The following C4BPA variants were observed in gnomAD, a reference collection of about 807,000 sequenced individuals.
C4BPA encodes C4b-binding protein alpha chain.
Under a neutral mutation model 63.7 loss-of-function variants are expected in C4BPA, and 31 were observed. That is an observed-to-expected ratio of 0.49 (90% confidence interval 0.37 to 0.66). The LOEUF (loss-of-function observed/expected upper bound fraction) is 0.66, where lower values mean the gene tolerates loss of function less well. Ranked by LOEUF, C4BPA falls within the 30% of genes least tolerant of loss-of-function variation. C4BPA has a pLI of 0.00. For synonymous variants in C4BPA, 259 were observed against 254.7 expected, an observed-to-expected ratio of 1.02 and a Z score of -0.16; for missense variants, 572 against 723.3, an observed-to-expected ratio of 0.79 and a Z score of 2.40.
intron 10 of C4BPA, among the ~76,000 whole-genome samples, chr1:207,142,660 T>TA (rs1685444577): frequency 6.6e-6 from 1 of 152,222 alleles, no homozygotes; most frequent in African/African-American, 2.4e-5. Context: ...TGCATTTCTC[T>TA]AATGACCAGT....
chr1:207,118,236 T>TATCTATCTATC (rs1553256059), intron 4 of C4BPA, among the ~76,000 whole-genome samples: 107 of 150,176 alleles, frequency 7.1e-4, no homozygotes, highest in African/African-American at 2.5e-3. Flanking sequence ...TCTATCTATC[T>TATCTATCTATC]ATCTATCTAT....
At chr1:207,136,025 G>C (rs1403678495) in intron 9 of C4BPA, among the ~76,000 whole-genome samples, 1 of 152,230 alleles carries the variant, frequency 6.6e-6, no homozygotes, top group Non-Finnish European at 1.5e-5. Context: ...TGCAATATTT[G>C]TCTAGTTCTA....
chr1:207,139,008 G>A (rs1685353038), intron 9 of C4BPA, among the ~76,000 whole-genome samples: 1 of 152,152 alleles, frequency 6.6e-6, no homozygotes, highest in Non-Finnish European at 1.5e-5. Context: ...TTGGATCAAT[G>A]TCATGTTCTG....
At chr1:207,130,250 T>C (rs985810059) in intron 7 of C4BPA, among the ~76,000 whole-genome samples, 1 of 152,176 alleles carries the variant, frequency 6.6e-6, no homozygotes, top group African/African-American at 2.4e-5. Flanking sequence ...AACAATCAGA[T>C]ACCACTTCAC....
chr1:207,125,891 A>G (rs1685029604), intron 6 of C4BPA, among the ~76,000 whole-genome samples: 1 of 152,152 alleles, frequency 6.6e-6, no homozygotes, highest in Non-Finnish European at 1.5e-5. Context: ...TAGAGGAATT[A>G]AAGTAGCAGA....
Position 207,144,652 on chromosome 1 carries a change from G to C in C4BPA, c.1729G>C (p.Glu577Gln). 6.2e-7 allele frequency: 1 copy of C among 1,613,620 alleles called. No homozygotes were observed. The highest frequency in any genetic ancestry group is 1.1e-5 in the South Asian group (1 of 91,060). ...CCTGGAGGTATATAAGCTGTCTCTG[G>C]AAATTGAACAACTGGAACTACAGAG... Reference protein sequence around the residue: ...MALEVYKLSLEIEQLELQRDS... With the variant: ...MALEVYKLSLQIEQLELQRDS... Residue 577 changes from glutamate (E) to glutamine (Q), a missense_variant, in exon 12 of 12, where the codon GAA (glutamate) becomes CAA (glutamine). Physicochemically the swap from Glu to Gln is conservative, Grantham distance 29. Transcript: ENST00000367070.
At chr1:207,138,675 C>T (rs1418605511) in intron 9 of C4BPA, among the ~76,000 whole-genome samples, 1 of 152,168 alleles carries the variant, frequency 6.6e-6, no homozygotes, top group Non-Finnish European at 1.5e-5. Context: ...TAACATGGGC[C>T]CCGCTCAAAC....
intron 1 of C4BPA, among the ~76,000 whole-genome samples, chr1:207,112,376 T>C (rs2102330147): frequency 6.7e-6 from 1 of 148,616 alleles, no homozygotes; most frequent in Non-Finnish European, 1.5e-5. Flanking sequence ...TTTATGTTTG[T>C]ACCTTTCTTT....
At chr1:207,108,715 G>A (rs1353544659) in intron 1 of C4BPA, among the ~76,000 whole-genome samples, 1 of 152,040 alleles carries the variant, frequency 6.6e-6, no homozygotes, top group Non-Finnish European at 1.5e-5. Flanking sequence ...GTCTGTGGGT[G>A]ATTCATTTTA....
Position 207,114,132 on chromosome 1 carries a change from G to A in C4BPA, c.175G>A (p.Ala59Thr). 6.2e-7 allele frequency: 1 copy of A among 1,613,186 alleles called. No homozygotes were observed. The part of the protein sequence containing the change: ...NCGPPPTLSF[A>T]APMDITLTET... The stretch of plus-strand genomic sequence containing the variant: ...TGGTCCTCCACCCACTTTATCATTT[G>A]CTGCCCCGATGGATATTACGTTGAC... The change falls in exon 3 of 12, where the codon GCT (alanine) becomes ACT (threonine). Residue 59 changes from alanine to threonine, a missense_variant. By Grantham distance (58) the Ala-to-Thr change is moderately conservative (BLOSUM62 0). Transcript: ENST00000367070.
intron 7 of C4BPA, among the ~76,000 whole-genome samples, chr1:207,130,948 G>A (rs1685145729): frequency 6.6e-6 from 1 of 152,156 alleles, no homozygotes; most frequent in Non-Finnish European, 1.5e-5. Context: ...GAATTTATTT[G>A]TTGTGACTTT....
chr1:207,141,369 T>G (rs1685412150), intron 10 of C4BPA, 93 bp downstream of exon 10: 2 of 929,858 alleles, frequency 2.2e-6, no homozygotes, highest in African/African-American at 1.6e-5. Flanking sequence ...AGAGGCAGCA[T>G]GAAAACATTT....
intron 7 of C4BPA, among the ~76,000 whole-genome samples, chr1:207,128,929 C>A (rs1685104704): frequency 6.6e-6 from 1 of 151,924 alleles, no homozygotes; most frequent in South Asian, 2.1e-4. Flanking sequence ...AAAAAGCCAA[C>A]AATAGAAACT....
intron 8 of C4BPA, among the ~76,000 whole-genome samples, chr1:207,134,175 A>G (rs1685228977): frequency 6.6e-6 from 1 of 152,140 alleles, no homozygotes; most frequent in Non-Finnish European, 1.5e-5. Context: ...CCAACTTTTC[A>G]TTTTGGAGGC....
At chr1:207,115,099 G>A (rs891010719) in intron 3 of C4BPA, among the ~76,000 whole-genome samples, 1 of 152,084 alleles carries the variant, frequency 6.6e-6, no homozygotes, top group Admixed American at 6.6e-5. Context: ...AGTGGCCTAG[G>A]TTCTAAGTAC....
intron 1 of C4BPA, among the ~76,000 whole-genome samples, chr1:207,107,185 AAGG>A (rs1363533558): frequency 6.6e-6 from 1 of 152,194 alleles, no homozygotes; most frequent in East Asian, 1.9e-4. Context: ...ATAGTGAGTA[AAGG>A]AGAAGTTGGA....
In C4BPA at chr1:207,131,531, T is replaced by C; in HGVS notation, c.890-15T>C. The C allele has an allele frequency of 6.3e-7, 1 of 1,578,942 alleles. No individual in the cohort carries two copies. Among genetic ancestry groups the C allele is most frequent in the Non-Finnish European group, 8.7e-7 (1 of 1,151,328 alleles). ...TAGCGTCCTTTTGTTCTTCTTCTTC[T>C]TCTTTCATGAGTAGATAGTTGTATT... On this transcript the variant is annotated splice_polypyrimidine_tract_variant and intron_variant, in intron 7 of 11. Transcript: ENST00000367070.
rs566874351 is a variant in C4BPA at position 207,119,368 on chromosome 1, T to C, written c.428+3853T>C. On this transcript the variant is annotated intron_variant, in intron 4 of 11. Coordinates refer to ENST00000367070, the MANE Select transcript of C4BPA (RefSeq NM_000715.4). The stretch of plus-strand genomic sequence containing the variant: ...CTACTAATTCACATCTACCGTCTTT[T>C]ATGGGCCATACTAACTTGGCATTAT... Among the ~76,000 whole-genome samples the C allele has an allele frequency of 8.6e-5, 8 of 93,050 alleles. 1 individual carries two copies. The highest frequency in any genetic ancestry group is 2.4e-4 in the African/African-American group (8 of 33,312). 61.0% of individuals were successfully genotyped at this position (93,050 alleles called of 152,430 possible).
At chr1:207,127,078 G>T (rs1204979449) in intron 7 of C4BPA, 183 bp downstream of exon 7, 2 of 466,974 alleles carry the variant, frequency 4.3e-6, no homozygotes, top group Non-Finnish European at 7.5e-6. Flanking sequence ...ACTCTGCAAG[G>T]TCATATATTG....
Sources: allele counts gnomAD v4.1 joint callset (sites outside exome capture counted in the v4.1 genomes callset), GRCh38; gene constraint gnomAD v4.1.1; transcripts MANE v1.5; gene names NCBI Gene and HGNC (gene_info 2026-07-23, HGNC 2026-07-21).